AGAP1: variants seen among roughly 807,000 people sequenced by gnomAD.
AGAP1 encodes the protein ArfGAP with GTPase domain, ankyrin repeat and PH domain 1.
In AGAP1, 29 loss-of-function variants were observed where a neutral mutation model predicts 105.3. The observed-to-expected ratio is 0.28, with a 90% CI of 0.21 to 0.38. The LOEUF (loss-of-function observed/expected upper bound fraction) is 0.38. Among genes scored for constraint, AGAP1 ranks in the 10% least tolerant of loss-of-function variants. The pLI is 1.00. For missense variants in AGAP1, 998 were observed against 1,165.1 expected (o/e 0.86, Z 2.09); for synonymous variants, 509 against 485.9 (o/e 1.05, Z -0.63).
chr2:235,909,754 C>T (rs1156782038), intron 11 of AGAP1, among the ~76,000 whole-genome samples: 2 of 152,332 alleles, frequency 1.3e-5, no homozygotes, highest in East Asian at 3.9e-4. Context: ...GGCGCAGTGG[C>T]TCACACCTAT....
chr2:236,041,057 T>C (rs571461116), intron 15 of AGAP1, among the ~76,000 whole-genome samples: 1 of 152,302 alleles, frequency 6.6e-6, no homozygotes, highest in East Asian at 1.9e-4. Flanking sequence ...TCTGTGAGTC[T>C]TTCCTTGCCT....
At chr2:235,921,375 T>A (rs1008047746) in intron 11 of AGAP1, among the ~76,000 whole-genome samples, 2 of 152,250 alleles carry the variant, frequency 1.3e-5, no homozygotes, top group Non-Finnish European at 1.5e-5. Context: ...ATATGTTCAA[T>A]AAAAAATTGA....
rs1004071158 is a variant in AGAP1 at position 235,620,885 on chromosome 2, T to C, written c.164-88294T>C. ...CTGAATTGCAGCCCTACAGCTTTTA[T>C]TGGTGACAAGTTCTTGACTCCCCAT... On this transcript the variant is annotated intron_variant, in intron 1 of 17. Transcript: ENST00000304032. The surrounding 1 kb of genome is among the most constrained non-coding windows in gnomAD (Gnocchi z 4.5). 5.3e-5 allele frequency among the ~76,000 whole-genome samples: 8 copies of C among 152,186 alleles called. No individual in the cohort carries two copies. The highest frequency in any genetic ancestry group is 1.5e-5 in the Non-Finnish European group (1 of 68,032).
rs199908303 is a variant in AGAP1, at chr2:236,100,808, C to T, written c.2115-19384C>T. ...TCGTGTCACTGCACTCCACCCTGGG[C>T]AACACAGTAAGATTCCCTCTCAAGA... is the stretch of plus-strand genomic sequence containing the variant. On this transcript the variant is annotated intron_variant, in intron 16 of 17. Transcript: ENST00000304032. Among the ~76,000 whole-genome samples, 7 of 146,860 alleles carry T rather than the reference C, an allele frequency of 4.8e-5. No individual in the cohort carries two copies. The East Asian group carries it at 1.2e-3, about 25-fold the overall frequency.
At chr2:235,527,491 C>G (rs1942884015) in intron 1 of AGAP1, among the ~76,000 whole-genome samples, 1 of 152,182 alleles carries the variant, frequency 6.6e-6, no homozygotes, top group Admixed American at 6.5e-5. Flanking sequence ...CCACCATAGC[C>G]TCCTGAATAG....
At position 235,979,633 on chromosome 2, in the gene AGAP1, G is replaced by C. The variant is rs555088845; in HGVS notation, c.1645+11010G>C. The stretch of plus-strand genomic sequence containing the variant: ...GTTCCGGCAGGCATTGCCGTGCACG[G>C]ACACACAACTTCACAAGGGCCTCTT... On this transcript the variant is annotated intron_variant, in intron 13 of 17. Coordinates refer to ENST00000304032, the MANE Select transcript of AGAP1 (RefSeq NM_001037131.3). The surrounding 1 kb of genome is among the most constrained non-coding windows in gnomAD (Gnocchi z 4.5). Among the ~76,000 whole-genome samples the C allele has an allele frequency of 2.9e-3, 444 of 152,310 alleles. 1 individual carries two copies. The highest frequency in any genetic ancestry group is 4.9e-3 in the Non-Finnish European group (330 of 68,024).
chr2:235,615,618 C>T lies in AGAP1; in HGVS notation c.164-93561C>T, dbSNP rs1003003556. Among the ~76,000 whole-genome samples the T allele has an allele frequency of 6.6e-6, 1 of 152,140 alleles. No homozygotes were observed. The highest frequency in any genetic ancestry group is 1.9e-4 in the East Asian group (1 of 5,194). On this transcript the variant is annotated intron_variant, in intron 1 of 17. Coordinates refer to ENST00000304032, the MANE Select transcript of AGAP1 (RefSeq NM_001037131.3). This position sits in a 1 kb window ranked among gnomAD's most constrained non-coding sequence, Gnocchi z 5.0. ...AGTGGGGTCAGCTTTCCTCTGCTCC[C>T]CTGACTTCACAGGATAGCTATGCAT...
intron 9 of AGAP1, among the ~76,000 whole-genome samples, chr2:235,815,487 A>G (rs895000317): frequency 6.6e-6 from 1 of 152,116 alleles, no homozygotes; most frequent in African/African-American, 2.4e-5. Context: ...GGGCTTCAAC[A>G]TGCAAATTTT....
rs139982797 is a variant in AGAP1, at chr2:236,051,797, C to T, written c.2114+2516C>T. Among the ~76,000 whole-genome samples, 2 of 152,288 alleles carry T rather than the reference C, an allele frequency of 1.3e-5. No homozygotes were observed. Among genetic ancestry groups the T allele is most frequent in the East Asian group, 3.9e-4 (2 of 5,166 alleles). ...AAGGCAGCCAGCAAGGTCTGTGTCC[C>T]TTCCCGCTGGAAGGCCAGGGTCCTG... On this transcript the variant is annotated intron_variant, in intron 16 of 17. Coordinates refer to ENST00000304032, the MANE Select transcript of AGAP1 (RefSeq NM_001037131.3). The surrounding 1 kb of genome is among the most constrained non-coding windows in gnomAD (Gnocchi z 5.9).
chr2:236,069,711 A>G (rs564180346), intron 16 of AGAP1, among the ~76,000 whole-genome samples: 23 of 152,254 alleles, frequency 1.5e-4, no homozygotes, highest in Non-Finnish European at 2.6e-4. Flanking sequence ...GGAGTGAGCC[A>G]CTGCACCTGG....
At chr2:235,776,883 T>C (rs1296552930) in intron 6 of AGAP1, 3 of 470,024 alleles carry the variant, frequency 6.4e-6, no homozygotes, top group African/African-American at 4.0e-5. Flanking sequence ...AGCCCTTTCT[T>C]GGCTGCAACC....
At chr2:236,115,028 C>A (rs2059736364) in intron 16 of AGAP1, among the ~76,000 whole-genome samples, 2 of 152,196 alleles carry the variant, frequency 1.3e-5, no homozygotes, top group Non-Finnish European at 2.9e-5. Flanking sequence ...GAGCATCCCC[C>A]CTACCATGCT....
At chr2:235,584,540 C>T (rs749559140) in intron 1 of AGAP1, among the ~76,000 whole-genome samples, 3 of 150,066 alleles carry the variant, frequency 2.0e-5, no homozygotes, top group Admixed American at 6.7e-5. Context: ...GACAGCAACA[C>T]GCAGGAAGGG....
At chr2:235,707,938 ATGTGACCTGGTGGGACGTGCTCCCCATCG>A (rs1325081981) in intron 1 of AGAP1, among the ~76,000 whole-genome samples, 2 of 122,266 alleles carry the variant, frequency 1.6e-5, no homozygotes, top group Admixed American at 8.2e-5. Context: ...CTTCCCAATC[ATGTGACCTGGTGGGACGTGCTCCCCATCG>A]TGTGACCTGG....
intron 9 of AGAP1, among the ~76,000 whole-genome samples, chr2:235,841,704 CAT>C (rs1441366401): frequency 6.6e-6 from 1 of 152,178 alleles, no homozygotes; most frequent in African/African-American, 2.4e-5. Context: ...ACACTTCGTA[CAT>C]GTTAGGCATT....
rs1559424962 is a variant in AGAP1, at chr2:235,744,681, C to A, written c.397-17C>A. On this transcript the variant is annotated splice_polypyrimidine_tract_variant and intron_variant, in intron 4 of 17. Coordinates refer to ENST00000304032, the MANE Select transcript of AGAP1 (RefSeq NM_001037131.3). The surrounding 1 kb of genome is among the most constrained non-coding windows in gnomAD (Gnocchi z 5.2). Reference sequence around the variant, plus strand: ...GCTCACTCAGCTCCTGCTCTCCTCCCCTTCTTCTCTCCCTAGTTTGCCATG... The same window carrying A: ...GCTCACTCAGCTCCTGCTCTCCTCCACTTCTTCTCTCCCTAGTTTGCCATG... The A allele has an allele frequency of 8.1e-6, 13 of 1,613,860 alleles. No homozygotes were observed. The highest frequency in any genetic ancestry group is 1.1e-5 in the Non-Finnish European group (13 of 1,179,960).
Position 235,977,637 on chromosome 2 carries a change from G to C in AGAP1, c.1645+9014G>C, listed in dbSNP as rs978190316. Among the ~76,000 whole-genome samples the C allele has an allele frequency of 6.6e-6, 1 of 152,142 alleles. No individual in the cohort carries two copies. Among genetic ancestry groups the C allele is most frequent in the Non-Finnish European group, 1.5e-5 (1 of 68,028 alleles). On this transcript the variant is annotated intron_variant, in intron 13 of 17. Coordinates refer to ENST00000304032, the MANE Select transcript of AGAP1 (RefSeq NM_001037131.3). The surrounding 1 kb of genome is among the most constrained non-coding windows in gnomAD (Gnocchi z 5.2). ...GAGATGCCCGGGGGTTATATTTTCA[G>C]ATGTTCTAGCTGAGCTCGCTTTGTC...
In AGAP1 at chr2:235,854,997, T is replaced by C. The variant is rs1211304792; in HGVS notation, c.1051-28348T>C. On this transcript the variant is annotated intron_variant, in intron 9 of 17. Transcript: ENST00000304032. ...GGGTGCTTCAGAGGAGGGCCCGCCA[T>C]GAGGTCTGCCTCCTTGTATTTGTTA... 5.9e-5 allele frequency among the ~76,000 whole-genome samples: 9 copies of C among 152,222 alleles called. No individual in the cohort carries two copies. The East Asian group carries it at 1.7e-3, about 29-fold the overall frequency.
At chr2:236,057,556 C>G (rs180723603) in intron 16 of AGAP1, among the ~76,000 whole-genome samples, 2 of 152,126 alleles carry the variant, frequency 1.3e-5, no homozygotes, top group Non-Finnish European at 2.9e-5. Flanking sequence ...TTAGAGCCCC[C>G]CCCTCAACCC....
Sources: gnomAD v4.1 joint callset for allele counts (sites outside exome capture counted in the v4.1 genomes callset) on GRCh38, gnomAD v4.1.1 for gene constraint, Gnocchi (gnomAD v3.1) non-coding constraint, MANE v1.5 for transcripts, NCBI Gene and HGNC (gene_info 2026-07-23, HGNC 2026-07-21) for gene names.